Variants in SLC60A1 observed in about 807,000 individuals in gnomAD.
SLC60A1 encodes solute carrier family 60 member 1.
At chr1:205,579,000 T>C in the SLC60A1 span, among the ~76,000 whole-genome samples, 4 of 152,172 alleles carry the variant, frequency 2.6e-5, no homozygotes, top group Admixed American at 1.3e-4. Flanking sequence ...CAATCATTCA[T>C]TCATTCACTG....
the SLC60A1 span, chr1:205,585,087 T>G: frequency 9.9e-7 from 1 of 1,011,796 alleles, no homozygotes; most frequent in South Asian, 1.3e-5. This position sits in a 1 kb window ranked among gnomAD's most constrained non-coding sequence, Gnocchi z 4.2. Flanking sequence ...CATGAAGGTT[T>G]CCTGGAGACT....
At chr1:205,589,285 G>A in the SLC60A1 span, among the ~76,000 whole-genome samples, 5 of 152,108 alleles carry the variant, frequency 3.3e-5, no homozygotes, top group Non-Finnish European at 5.9e-5. Context: ...TCAAAGGCCC[G>A]TGTTCAAAGG....
the SLC60A1 span, chr1:205,580,520 G>A: frequency 9.1e-7 from 1 of 1,098,332 alleles, no homozygotes; most frequent in Non-Finnish European, 1.3e-6. This position sits in a 1 kb window ranked among gnomAD's most constrained non-coding sequence, Gnocchi z 5.0. Context: ...CCAGGGCTGG[G>A]CAACAGCCCC....
At chr1:205,595,364 C>G in the SLC60A1 span, among the ~76,000 whole-genome samples, 1 of 152,202 alleles carries the variant, frequency 6.6e-6, no homozygotes, top group Non-Finnish European at 1.5e-5. Context: ...GCCCCTTTAT[C>G]TTCCTGCTCT....
the SLC60A1 span, among the ~76,000 whole-genome samples, chr1:205,593,298 G>A: frequency 4.6e-5 from 7 of 151,474 alleles, no homozygotes; most frequent in African/African-American, 1.2e-4. Flanking sequence ...CTGAAACCCC[G>A]TCTCTACTAA....
chr1:205,569,371 C>T, the SLC60A1 span: 2 of 1,127,076 alleles, frequency 1.8e-6, no homozygotes, highest in East Asian at 3.5e-5. Context: ...ACCCTTCCCT[C>T]CCGCCCCGCG....
At chr1:205,592,106 C>T in the SLC60A1 span, 2 of 1,611,958 alleles carry the variant, frequency 1.2e-6, no homozygotes, top group Non-Finnish European at 1.7e-6. Context: ...CAGCTTTTCG[C>T]AATTCCTAAC....
the SLC60A1 span, chr1:205,579,722 T>A: frequency 1.9e-6 from 3 of 1,612,664 alleles, no homozygotes; most frequent in South Asian, 1.1e-5. Context: ...TCCAGCCCCA[T>A]CCCCTGACAT....
At chr1:205,572,935 A>G in the SLC60A1 span, among the ~76,000 whole-genome samples, 8,671 of 152,210 alleles carry the variant, frequency 0.057, 442 homozygotes, top group South Asian at 0.2. Context: ...AACAAACCAA[A>G]TGTCCATCAG....
At chr1:205,597,625 G>A in the SLC60A1 span, 1 of 672,478 alleles carries the variant, frequency 1.5e-6, no homozygotes, top group Admixed American at 2.5e-5. Flanking sequence ...TGAACTCCTG[G>A]CCTCAAGAGA....
the SLC60A1 span, chr1:205,569,019 T>A: frequency 8.6e-7 from 1 of 1,161,542 alleles, no homozygotes; most frequent in East Asian, 4.6e-5. Context: ...CGGGCGGCAC[T>A]CGGGCACCGG....
the SLC60A1 span, chr1:205,579,959 G>A: frequency 1.2e-6 from 2 of 1,610,246 alleles, no homozygotes; most frequent in South Asian, 1.1e-5. Context: ...GGTAAGCCCG[G>A]CCAGCAGGCA....
chr1:205,599,375 A>C, the SLC60A1 span: 22 of 1,217,100 alleles, frequency 1.8e-5, no homozygotes, highest in Non-Finnish European at 2.5e-5. Context: ...AGTAAAATGC[A>C]AGGAAATGTT....
the SLC60A1 span, among the ~76,000 whole-genome samples, chr1:205,577,220 T>C: frequency 6.6e-6 from 1 of 152,152 alleles, no homozygotes; most frequent in Non-Finnish European, 1.5e-5. The surrounding 1 kb of genome is among the most constrained non-coding windows in gnomAD (Gnocchi z 5.2). Flanking sequence ...ATTCTTTCTC[T>C]GCCTCTATCT....
chr1:205,597,621 C>T, the SLC60A1 span: 1 of 657,786 alleles, frequency 1.5e-6, no homozygotes, highest in Non-Finnish European at 2.7e-6. Context: ...GTCTTGAACT[C>T]CTGGCCTCAA....
At chr1:205,583,574 C>G in the SLC60A1 span, among the ~76,000 whole-genome samples, 1 of 152,176 alleles carries the variant, frequency 6.6e-6, no homozygotes, top group Non-Finnish European at 1.5e-5. Context: ...AGATGTGATG[C>G]CCAAAAGCAA....
At chr1:205,584,579 C>T in the SLC60A1 span, among the ~76,000 whole-genome samples, 2 of 149,614 alleles carry the variant, frequency 1.3e-5, no homozygotes, top group Admixed American at 6.7e-5. Flanking sequence ...AAATCTTGGC[C>T]CTGATGGTGC....
At chr1:205,600,112 T>C in the SLC60A1 span, 8 of 301,684 alleles carry the variant, frequency 2.7e-5, no homozygotes, top group Admixed American at 9.6e-5. Flanking sequence ...CACACAGGAG[T>C]TTCATTTAAG....
the SLC60A1 span, among the ~76,000 whole-genome samples, chr1:205,591,800 C>G: frequency 6.6e-6 from 1 of 152,218 alleles, no homozygotes; most frequent in Admixed American, 6.5e-5. Context: ...ATGAAATTGG[C>G]TTGGGTGGAG....
Sources: allele counts gnomAD v4.1 joint callset (sites outside exome capture counted in the v4.1 genomes callset), GRCh38; gene constraint gnomAD v4.1.1; non-coding constraint Gnocchi (gnomAD v3.1); transcripts MANE v1.5; gene names NCBI Gene and HGNC (gene_info 2026-07-23, HGNC 2026-07-21).